The following ACOXL variants were observed in gnomAD, a reference collection of about 807,000 sequenced individuals.
ACOXL encodes acyl-coenzyme A oxidase-like protein.
Under a neutral mutation model 71.9 loss-of-function variants are expected in ACOXL, and 70 were observed. The observed-to-expected ratio is 0.97, with a 90% CI of 0.80 to 1.19. ACOXL has a LOEUF of 1.19. Ranked by LOEUF, ACOXL falls within the 50% of genes most tolerant of loss-of-function variation. The pLI is 0.00. For synonymous variants in ACOXL, 253 were observed against 281.6 expected (o/e 0.90, Z 1.02); for missense variants, 703 against 736.3 (o/e 0.95, Z 0.52).
Position 110,818,521 on chromosome 2 carries a change from GTGTA to G in ACOXL, c.753+13128_753+13131del, listed in dbSNP as rs1373886211. Among the ~76,000 whole-genome samples the G allele has an allele frequency of 7.2e-4, 5 of 6,916 alleles. No homozygotes were observed. The Non-Finnish European group carries it at 0.023, about 31-fold the overall frequency. 4.5% of individuals were successfully genotyped at this position (6,916 alleles called of 152,430 possible). A position where few individuals can be genotyped will look rare whatever the true frequency, so the allele number is the denominator to read the frequency against. On this transcript the variant is annotated intron_variant, in intron 9 of 17. Transcript: ENST00000439055. Reference sequence around the variant, plus strand: ...TATGTGTATATATATATGTGTATGTGTGTATATATATATGTGTATAAGTAGGTAT... The same window carrying G: ...TATGTGTATATATATATGTGTATGTGTATATATATGTGTATAAGTAGGTAT...
At chr2:110,814,934 TAGG>T (rs1687749837) in intron 9 of ACOXL, among the ~76,000 whole-genome samples, 3 of 152,314 alleles carry the variant, frequency 2.0e-5, no homozygotes, top group Non-Finnish European at 4.4e-5. Context: ...TTTTTCTTGT[TAGG>T]AGAAGAAACA....
At chr2:110,891,897 C>T (rs530497783) in intron 10 of ACOXL, among the ~76,000 whole-genome samples, 291 of 151,994 alleles carry the variant, frequency 1.9e-3, no homozygotes, top group African/African-American at 6.4e-3. Flanking sequence ...CTTCCACTTG[C>T]CTCCCGAAGC....
Position 110,980,965 on chromosome 2 carries a change from C to T in ACOXL, c.1060-6143C>T, listed in dbSNP as rs1273118225. ...ATCCTGACATGCTGTCTGCTCTTGC[C>T]CCTCCCCCAGCACACCAGGGGTTCC... On this transcript the variant is annotated intron_variant, in intron 12 of 17. Transcript: ENST00000439055. Among the ~76,000 whole-genome samples, 5 of 152,288 alleles carry T rather than the reference C, an allele frequency of 3.3e-5. No homozygotes were observed. The East Asian group carries it at 5.8e-4, about 18-fold the overall frequency.
At chr2:110,840,992 C>T (rs914538237) in intron 9 of ACOXL, among the ~76,000 whole-genome samples, 2 of 152,128 alleles carry the variant, frequency 1.3e-5, no homozygotes, top group Non-Finnish European at 2.9e-5. Flanking sequence ...TAATGCCAAC[C>T]TTGGAATCAG....
intron 1 of ACOXL, among the ~76,000 whole-genome samples, chr2:110,747,309 C>T (rs1373457697): frequency 6.6e-6 from 1 of 152,112 alleles, no homozygotes; most frequent in African/African-American, 2.4e-5. Flanking sequence ...TGACCAATTG[C>T]ATCATATTTA....
At chr2:111,002,618 A>G (rs2063687947) in intron 14 of ACOXL, among the ~76,000 whole-genome samples, 1 of 152,218 alleles carries the variant, frequency 6.6e-6, no homozygotes, top group African/African-American at 2.4e-5. Flanking sequence ...GTACTTTTCC[A>G]GCATGGTATT....
chr2:110,963,239 G>C (rs181096402), intron 12 of ACOXL, among the ~76,000 whole-genome samples: 1 of 152,146 alleles, frequency 6.6e-6, no homozygotes, highest in East Asian at 1.9e-4. Context: ...TGCTGGGGGT[G>C]GGGGAGGCAT....
At chr2:110,742,623 A>G (rs1402656500) in intron 1 of ACOXL, among the ~76,000 whole-genome samples, 1 of 152,200 alleles carries the variant, frequency 6.6e-6, no homozygotes, top group African/African-American at 2.4e-5. Context: ...GAAGGACAGA[A>G]GGTGGGTGAA....
intron 16 of ACOXL, among the ~76,000 whole-genome samples, chr2:111,059,933 A>G (rs191017523): frequency 1.3e-4 from 20 of 151,416 alleles, no homozygotes; most frequent in African/African-American, 4.6e-4. Flanking sequence ...GAAAGAGAAG[A>G]AGGAGGAGGA....
rs567162172 is a variant in ACOXL at position 110,858,390 on chromosome 2, G to T, written c.788+16985G>T. 5.3e-5 allele frequency among the ~76,000 whole-genome samples: 8 copies of T among 152,196 alleles called. No homozygotes were observed. In the East Asian group the frequency reaches 1.2e-3, roughly 22 times the overall value. ...GAGCTGAGTGGAAGTTCCGCATCTC[G>T]TTTGTCATTTCCCTTCTCACGCTGA... On this transcript the variant is annotated intron_variant, in intron 10 of 17. Transcript: ENST00000439055.
chr2:110,741,751 C>T (rs1179322638), intron 1 of ACOXL, among the ~76,000 whole-genome samples: 1 of 152,132 alleles, frequency 6.6e-6, no homozygotes, highest in East Asian at 1.9e-4. Flanking sequence ...ACCCTCAGGG[C>T]TGGGAGGGAT....
intron 9 of ACOXL, among the ~76,000 whole-genome samples, chr2:110,805,809 G>A (rs1283380429): frequency 6.6e-6 from 1 of 152,158 alleles, no homozygotes; most frequent in Non-Finnish European, 1.5e-5. Context: ...AGGGTGTAAC[G>A]TTCTCCATCA....
intron 10 of ACOXL, among the ~76,000 whole-genome samples, chr2:110,859,334 C>T (rs968577796): frequency 3.9e-5 from 6 of 152,106 alleles, no homozygotes; most frequent in African/African-American, 9.7e-5. Context: ...TGCTTTGTTT[C>T]GTGTGCTGTG....
intron 14 of ACOXL, among the ~76,000 whole-genome samples, chr2:111,021,215 A>T (rs552339842): frequency 3.3e-5 from 5 of 151,946 alleles, no homozygotes; most frequent in African/African-American, 1.2e-4. Context: ...TTGTACTTCA[A>T]CTCTGACCTG....
intron 9 of ACOXL, among the ~76,000 whole-genome samples, chr2:110,826,677 G>A (rs995983973): frequency 6.6e-6 from 1 of 151,414 alleles, no homozygotes; most frequent in Non-Finnish European, 1.5e-5. Context: ...TTAAAAACAT[G>A]TCATGTTAAA....
chr2:111,020,362 T>C (rs760619826), intron 14 of ACOXL, among the ~76,000 whole-genome samples: 1 of 152,146 alleles, frequency 6.6e-6, no homozygotes, highest in African/African-American at 2.4e-5. Context: ...ACATGCCGGC[T>C]TGGTGGGAGC....
intron 1 of ACOXL, among the ~76,000 whole-genome samples, chr2:110,734,559 A>G (rs1424313506): frequency 6.6e-6 from 1 of 152,020 alleles, no homozygotes; most frequent in Admixed American, 6.6e-5. Flanking sequence ...AATTCTTAAC[A>G]GTGCAAAGAG....
intron 10 of ACOXL, among the ~76,000 whole-genome samples, chr2:110,888,584 G>A (rs934973412): frequency 2.0e-5 from 3 of 152,126 alleles, no homozygotes; most frequent in Non-Finnish European, 4.4e-5. Context: ...TATTCTCATA[G>A]GATACTGCAC....
intron 5 of ACOXL, 48 bp downstream of exon 5, chr2:110,794,222 G>C: frequency 6.5e-7 from 1 of 1,542,842 alleles, no homozygotes; most frequent in African/African-American, 1.4e-5. Flanking sequence ...TGGAAACCTG[G>C]ACAGAAACAG....
Sources: allele counts gnomAD v4.1 joint callset (sites outside exome capture counted in the v4.1 genomes callset), GRCh38; gene constraint gnomAD v4.1.1; transcripts MANE v1.5; gene names NCBI Gene and HGNC (gene_info 2026-07-23, HGNC 2026-07-21).